Variants in MUC6 observed in about 807,000 individuals in gnomAD.
MUC6 encodes mucin-6.
MUC6 carries 188 observed loss-of-function variants against 201.5 expected under a neutral mutation model. That is an observed-to-expected ratio of 0.93 (90% confidence interval 0.83 to 1.05). MUC6 has a LOEUF of 1.05. Among genes scored for constraint, MUC6 ranks in the 50% least tolerant of loss-of-function variants. The probability of loss-of-function intolerance (pLI) is 0.00; values close to 1 mark genes in which losing one functional copy is unlikely to be tolerated. For missense variants in MUC6, 2,706 were observed against 3,256.9 expected, an observed-to-expected ratio of 0.83 and a Z score of 4.12; for synonymous variants, 1,228 against 1,389.4, an observed-to-expected ratio of 0.88 and a Z score of 2.58.
rs773335642 is a variant in MUC6 at position 1,016,438 on chromosome 11, A to T, written c.6363T>A (p.Val2121=). 7.4e-6 allele frequency: 12 copies of T among 1,613,736 alleles called. No individual in the cohort carries two copies. The highest frequency in any genetic ancestry group is 9.3e-6 in the Non-Finnish European group (11 of 1,179,858). Residue 2121 remains valine (V), a synonymous_variant, in exon 31 of 33, where the codon GTT becomes GTA. Transcript: ENST00000421673. The stretch of plus-strand genomic sequence containing the variant: ...AGGAGGACAGCTGATTAGTTGTGGA[A>T]ACAGGAGTGGTTGCAGAACTCAAGT... ...LPHLSSATTP[V]STTNQLSSSF...
chr11:1,016,473 G>A lies in MUC6; in HGVS notation c.6328C>T (p.Gln2110Ter), dbSNP rs1453182750. Residue 2110 changes from glutamine (Q) to a stop codon, truncating the protein, a stop_gained, in exon 31 of 33, where the codon CAA becomes TAA. Transcript: ENST00000421673. LOFTEE classifies it high-confidence loss of function. ...GTTGCAGAACTCAAGTGGGGGAGTT[G>A]TGTGGTGATAGGTGATGACGGTGGC... ...SRPPSSPITT[Q>*]LPHLSSATTP... 2 of 1,613,580 alleles carry A rather than the reference G, an allele frequency of 1.2e-6. No homozygotes were observed. Among genetic ancestry groups the A allele is most frequent in the Non-Finnish European group, 1.7e-6 (2 of 1,179,814 alleles).
chr11:1,023,476 G>A (rs1341457408), intron 26 of MUC6, 33 bp downstream of exon 26: 6 of 1,551,198 alleles, frequency 3.9e-6, no homozygotes, highest in Non-Finnish European at 5.2e-6. Context: ...GGGTCCCCCT[G>A]TGTATCTGCG....
rs1322943882 is a variant in MUC6, at chr11:1,026,034, A to G, written c.2654T>C (p.Val885Ala). 1.3e-6 allele frequency: 2 copies of G among 1,589,986 alleles called. No individual in the cohort carries two copies. The highest frequency in any genetic ancestry group is 1.1e-5 in the South Asian group (1 of 87,510). The change falls in exon 21 of 33, where the codon GTA becomes GCA. Residue 885 changes from valine (V) to alanine (A), a missense_variant. This residue lies in a region of MUC6 where 1,850 missense variants were observed against 1,958.3 expected (regional missense o/e 0.94). Coordinates refer to ENST00000421673, the MANE Select transcript of MUC6 (RefSeq NM_005961.3). ...HVITFDGQRFVFDGNCEYILA... is the reference protein window; with the variant it reads ...HVITFDGQRFAFDGNCEYILA... ...GATGTACTCGCAGTTGCCGTCGAATACGAAGCGCTGGCCGTCGAAGGTGAT... is the reference window on the plus strand; with the variant it reads ...GATGTACTCGCAGTTGCCGTCGAATGCGAAGCGCTGGCCGTCGAAGGTGAT...
At chr11:1,027,657 C>A in intron 16 of MUC6, 28 bp downstream of exon 16, 3 of 1,583,168 alleles carry the variant, frequency 1.9e-6, no homozygotes, top group Non-Finnish European at 2.6e-6. Flanking sequence ...CCTGCCGTGA[C>A]CCCGCTTAAG....
intron 1 of MUC6, among the ~76,000 whole-genome samples, chr11:1,036,333 C>T (rs906896827): frequency 6.6e-6 from 1 of 152,200 alleles, no homozygotes; most frequent in East Asian, 1.9e-4. Context: ...TGAGCGTCCT[C>T]CCCCGCTGGC....
In MUC6 at chr11:1,028,058, C is replaced by G. The variant is rs766967070; in HGVS notation, c.1755G>C (p.Lys585Asn). ...TGGAGCAGTGGGTCTCTGCACACAC[C>G]TCTGGGGATGACAGGCCCGGGCGTG... ...TDPCSMSQLN[K>N]VCAETHCSML... Residue 585 changes from lysine to asparagine, a missense_variant and splice_region_variant, in exon 15 of 33, where the codon AAG becomes AAC. Physicochemically the swap from Lys to Asn is moderately conservative, Grantham distance 94. This residue lies in a region of MUC6 where 1,850 missense variants were observed against 1,958.3 expected (regional missense o/e 0.94). Coordinates refer to ENST00000421673, the MANE Select transcript of MUC6 (RefSeq NM_005961.3). The G allele has an allele frequency of 6.4e-7, 1 of 1,571,414 alleles. No homozygotes were observed. The highest frequency in any genetic ancestry group is 1.2e-5 in the South Asian group (1 of 85,620).
rs1856796724 is a variant in MUC6 at position 1,021,167 on chromosome 11, C to T, written c.3589+48G>A. 2.7e-6 allele frequency: 4 copies of T among 1,508,018 alleles called. No homozygotes were observed. The Middle Eastern group carries it at 5.3e-4, about 201-fold the overall frequency. 93.4% of individuals were successfully genotyped at this position (1,508,018 alleles called of 1,614,324 possible). ...TGTGGGATGTGGACGTGCGTTCTGC[C>T]TGCATGCAGGCAGGGGCAGGGTTCT... On this transcript the variant is annotated intron_variant, in intron 27 of 32. Coordinates refer to ENST00000421673, the MANE Select transcript of MUC6 (RefSeq NM_005961.3).
chr11:1,023,376 A>G, intron 26 of MUC6, 133 bp downstream of exon 26: 1 of 1,191,936 alleles, frequency 8.4e-7, no homozygotes, highest in Non-Finnish European at 1.2e-6. Flanking sequence ...GAATGTGTGC[A>G]AATTAATGAA....
intron 30 of MUC6, 32 bp downstream of exon 30, chr11:1,019,243 C>T (rs1856752572): frequency 1.2e-6 from 2 of 1,605,544 alleles, no homozygotes; most frequent in African/African-American, 1.3e-5. Context: ...GTGCCTTCGG[C>T]AGTGCTGGCA....
Position 1,027,429 on chromosome 11 carries a change from C to T in MUC6, c.2070G>A (p.Glu690=). Residue 690 remains glutamate, a synonymous_variant, in exon 17 of 33, where the codon GAG becomes GAA. Coordinates refer to ENST00000421673, the MANE Select transcript of MUC6 (RefSeq NM_005961.3). Reference sequence around the variant, plus strand: ...CCACGGGCACGGCGCTGTGGTGGCACTCGGTGGCACGGTCCGACAGCGACA... The same window carrying T: ...CCACGGGCACGGCGCTGTGGTGGCATTCGGTGGCACGGTCCGACAGCGACA... The part of the protein sequence containing the change: ...TCLSLSDRAT[E]CHHSAVPVDG... 1 of 1,612,770 alleles carries T rather than the reference C, an allele frequency of 6.2e-7. No individual in the cohort carries two copies. The highest frequency in any genetic ancestry group is 8.5e-7 in the Non-Finnish European group (1 of 1,179,822).
At chr11:1,028,817 C>T (rs1229577768) in intron 12 of MUC6, 34 bp from the exon 13 acceptor site, 1 of 1,609,058 alleles carries the variant, frequency 6.2e-7, no homozygotes, top group Non-Finnish European at 8.5e-7. Context: ...GCCGTCTGGG[C>T]TCCCTCCCCA....
In MUC6 at chr11:1,023,997, G is replaced by C; in HGVS notation, c.3332C>G (p.Ala1111Gly). The C allele has an allele frequency of 6.2e-7, 1 of 1,612,506 alleles. No individual in the cohort carries two copies. The highest frequency in any genetic ancestry group is 8.5e-7 in the Non-Finnish European group (1 of 1,179,656). ...CACGCACACACCCTTGTCCAGACAG[G>C]CTTGGGCGTAGGCAGCCACGGCATC... ...LCDAVAAYAQ[A>G]CLDKGVCVDW... is the part of the protein sequence containing the mutation. Residue 1111 changes from alanine (A) to glycine (G), a missense_variant, in exon 25 of 33, where the codon GCC (alanine) becomes GGC (glycine). Physicochemically the swap from Ala to Gly is moderately conservative, Grantham distance 60. Around this residue, in one of 10 missense-constraint regions of MUC6, gnomAD observed 1,850 missense variants for 1,958.3 expected, o/e 0.94. Coordinates refer to ENST00000421673, the MANE Select transcript of MUC6 (RefSeq NM_005961.3).
At chr11:1,023,353 A>T (rs1443034922) in intron 26 of MUC6, among the ~76,000 whole-genome samples, 156 bp downstream of exon 26, 1 of 147,856 alleles carries the variant, frequency 6.8e-6, no homozygotes, top group East Asian at 2.0e-4. Context: ...AATGTGCGTG[A>T]GTGTGTGTGA....
Position 1,018,762 on chromosome 11 carries a change from TC to T in MUC6, c.4038del (p.Thr1347ProfsTer109). 1.3e-6 allele frequency: 2 copies of T among 1,561,598 alleles called. No individual in the cohort carries two copies. The highest frequency in any genetic ancestry group is 1.7e-6 in the Non-Finnish European group (2 of 1,158,172). ...GTTGTTCCTGGCAGTTCCTGATTGG[TC>T]GATTTTGCTGTGGGAATTGGTGAAG... ...TSGTSPTLPKSTNQELPGTTA... is the reference protein window; with the variant it reads ...TSGTSPTLPKXTNQELPGTTA... On this transcript the variant is annotated frameshift_variant, in exon 31 of 33. Transcript: ENST00000421673. LOFTEE classifies it high-confidence loss of function.
At position 1,030,600 on chromosome 11, in the gene MUC6, G is replaced by A. The variant is rs201798430; in HGVS notation, c.865C>T (p.Arg289Cys). The stretch of plus-strand genomic sequence containing the variant: ...CACAGGCCGGGGCTCCGCCAGCGGC[G>A]GACCGGCTGGCCCACCATGCTGCAC... ...RQCSMVGQPV[R>C]RWRSPGLCSV... is the part of the protein sequence containing the mutation. The change falls in exon 7 of 33, where the codon CGC (arginine) becomes TGC (cysteine). Residue 289 changes from arginine to cysteine, a missense_variant. Physicochemically the swap from Arg to Cys is radical, Grantham distance 180. Around this residue, in one of 10 missense-constraint regions of MUC6, gnomAD observed 1,850 missense variants for 1,958.3 expected, o/e 0.94. Transcript: ENST00000421673. 4 of 1,528,044 alleles carry A rather than the reference G, an allele frequency of 2.6e-6. No homozygotes were observed. The highest frequency in any genetic ancestry group is 2.6e-6 in the Non-Finnish European group (3 of 1,137,586). The allele number at this position is 1,528,044 out of a possible 1,614,324, so 94.7% of individuals were successfully genotyped here. A position where few individuals can be genotyped will look rare whatever the true frequency, so the allele number is the denominator to read the frequency against.
At chr11:1,013,785 G>C in intron 32 of MUC6, 114 bp downstream of exon 32, 1 of 1,389,744 alleles carries the variant, frequency 7.2e-7, no homozygotes, top group South Asian at 1.2e-5. Flanking sequence ...ATGGAGCGCA[G>C]AGTGGCTCAC....
chr11:1,021,010 G>A (rs1045045023), intron 27 of MUC6, among the ~76,000 whole-genome samples: 2 of 152,162 alleles, frequency 1.3e-5, no homozygotes, highest in East Asian at 3.9e-4. Context: ...TCAGTGCTGT[G>A]TTTTTTTCTC....
intron 30 of MUC6, 58 bp from the exon 31 acceptor site, chr11:1,018,828 C>A (rs557512676): frequency 2.6e-6 from 4 of 1,515,486 alleles, no homozygotes; most frequent in African/African-American, 1.4e-5. Context: ...CCCTGACCTC[C>A]GCTGGCCCGT....
intron 18 of MUC6, 29 bp downstream of exon 18, chr11:1,027,112 C>T: frequency 1.2e-6 from 2 of 1,611,914 alleles, no homozygotes; most frequent in Non-Finnish European, 1.7e-6. Context: ...CTCACAGTCC[C>T]AGCCTGCGGC....
Sources: allele counts gnomAD v4.1 joint callset (sites outside exome capture counted in the v4.1 genomes callset), GRCh38; gene constraint gnomAD v4.1.1; regional missense constraint gnomAD v4.1.1; transcripts MANE v1.5; gene names NCBI Gene and HGNC (gene_info 2026-07-23, HGNC 2026-07-21).